The following CACNG3 variants were observed in gnomAD, a reference collection of about 807,000 sequenced individuals.
CACNG3 encodes calcium voltage-gated channel auxiliary subunit gamma 3.
Under a neutral mutation model 28.5 loss-of-function variants are expected in CACNG3, and 3 were observed. The ratio of observed to expected loss-of-function variants is 0.11; its 90% confidence interval spans 0.05 to 0.27. CACNG3 has a LOEUF of 0.27. Among genes scored for constraint, CACNG3 ranks in the 10% least tolerant of loss-of-function variants. The pLI is 1.00. For missense variants in CACNG3, 236 were observed against 414.4 expected (o/e 0.57, Z 3.74); for synonymous variants, 174 against 162.2 (o/e 1.07, Z -0.55).
chr16:24,326,221 G>A (rs1405074036), intron 1 of CACNG3, among the ~76,000 whole-genome samples: 1 of 148,912 alleles, frequency 6.7e-6, no homozygotes, highest in Non-Finnish European at 1.5e-5. Context: ...GCCCAGACTA[G>A]AGTGCAATGG....
chr16:24,341,412 A>G (rs1899785597), intron 1 of CACNG3, among the ~76,000 whole-genome samples: 1 of 152,160 alleles, frequency 6.6e-6, no homozygotes, highest in Non-Finnish European at 1.5e-5. Flanking sequence ...TTGTGATCCT[A>G]AAGTACCTAC....
intron 1 of CACNG3, among the ~76,000 whole-genome samples, chr16:24,285,673 G>A (rs1898883056): frequency 1.3e-5 from 2 of 151,684 alleles, no homozygotes; most frequent in African/African-American, 2.4e-5. Context: ...AATAATAAAA[G>A]TTTTTAAAGT....
At chr16:24,272,571 C>T (rs1053479455) in intron 1 of CACNG3, among the ~76,000 whole-genome samples, 1 of 151,868 alleles carries the variant, frequency 6.6e-6, no homozygotes, top group African/African-American at 2.4e-5. Context: ...ATTTTTTCAA[C>T]TTGCCATTTA....
At chr16:24,360,971 A>C (rs1025496879) in intron 3 of CACNG3, among the ~76,000 whole-genome samples, 2 of 152,188 alleles carry the variant, frequency 1.3e-5, no homozygotes, top group African/African-American at 4.8e-5. Context: ...AGTCTTTGCT[A>C]CTAATGGTAA....
intron 1 of CACNG3, among the ~76,000 whole-genome samples, chr16:24,260,798 C>A (rs1297798576): frequency 2.0e-5 from 3 of 152,218 alleles, no homozygotes; most frequent in Non-Finnish European, 4.4e-5. Flanking sequence ...GACACCCACA[C>A]TGGGAAGCCA....
chr16:24,306,356 G>A (rs1899185474), intron 1 of CACNG3, among the ~76,000 whole-genome samples: 1 of 152,208 alleles, frequency 6.6e-6, no homozygotes, highest in Non-Finnish European at 1.5e-5. Flanking sequence ...GCTGAACGGT[G>A]GCTTCAGGAG....
At chr16:24,338,915 CTTG>C (rs769949851) in intron 1 of CACNG3, among the ~76,000 whole-genome samples, 2 of 152,200 alleles carry the variant, frequency 1.3e-5, no homozygotes, top group African/African-American at 2.4e-5. Flanking sequence ...GAGTTTTTCT[CTTG>C]TTCATTCTCT....
At chr16:24,272,682 A>T (rs7192301) in intron 1 of CACNG3, among the ~76,000 whole-genome samples, 68,947 of 151,618 alleles carry the variant, frequency 0.45, 16,695 homozygotes, top group Non-Finnish European at 0.56. Context: ...TTTGTTTTTA[A>T]TTTTTGTCAT....
At chr16:24,257,362 G>A (rs74494013) in intron 1 of CACNG3, among the ~76,000 whole-genome samples, 1 of 100,226 alleles carries the variant, frequency 1.0e-5, no homozygotes, top group African/African-American at 4.1e-5. Flanking sequence ...GGAAAGAAGT[G>A]AGGGGGGAGA....
At chr16:24,258,062 T>C (rs1442807165) in intron 1 of CACNG3, among the ~76,000 whole-genome samples, 1 of 152,198 alleles carries the variant, frequency 6.6e-6, no homozygotes, top group African/African-American at 2.4e-5. Flanking sequence ...GTCACAGTGG[T>C]GGGCAAGGAA....
intron 3 of CACNG3, among the ~76,000 whole-genome samples, chr16:24,358,577 A>C (rs968914447): frequency 1.3e-5 from 2 of 152,002 alleles, no homozygotes; most frequent in Admixed American, 6.6e-5. Flanking sequence ...TATGAATCAG[A>C]CTCTGGGCTG....
intron 1 of CACNG3, among the ~76,000 whole-genome samples, chr16:24,344,311 T>A (rs8057687): frequency 0.83 from 126,366 of 151,700 alleles, 52,726 homozygotes; most frequent in Middle Eastern, 0.89. Context: ...CGGGAGGCTG[T>A]GGCACAAGAA....
chr16:24,286,662 C>T (rs2238506), intron 1 of CACNG3, among the ~76,000 whole-genome samples: 30,825 of 152,082 alleles, frequency 0.2, 3,593 homozygotes, highest in Non-Finnish European at 0.28. Context: ...ACCTTAGGTA[C>T]ATGTCTTCCG....
intron 1 of CACNG3, among the ~76,000 whole-genome samples, chr16:24,280,867 G>A (rs921765367): frequency 6.9e-6 from 1 of 143,958 alleles, no homozygotes; most frequent in Non-Finnish European, 1.5e-5. Flanking sequence ...TTATTCTGGA[G>A]ATTTTGGGAA....
At chr16:24,347,847 C>A (rs1170047527) in intron 2 of CACNG3, among the ~76,000 whole-genome samples, 1 of 152,194 alleles carries the variant, frequency 6.6e-6, no homozygotes, top group East Asian at 1.9e-4. Context: ...GGGGCTTTAC[C>A]TCTCTCTCTA....
Position 24,269,818 on chromosome 16 carries a change from GAGAA to G in CACNG3, c.211+12861_211+12864del, listed in dbSNP as rs558755235. 2.6e-3 allele frequency among the ~76,000 whole-genome samples: 381 copies of G among 147,442 alleles called. 1 individual carries two copies. Among genetic ancestry groups the G allele is most frequent in the Non-Finnish European group, 4.8e-3 (321 of 67,080 alleles). On this transcript the variant is annotated intron_variant, in intron 1 of 3. Coordinates refer to ENST00000005284, the MANE Select transcript of CACNG3 (RefSeq NM_006539.4). Reference sequence around the variant, plus strand: ...AAGAAAGAAAGAAAGAGAAAGAAAGGAGAAAGAAAGACAAAAGAAAATCTGTGTT... The same window carrying G: ...AAGAAAGAAAGAAAGAGAAAGAAAGGAGAAAGACAAAAGAAAATCTGTGTT...
rs546224102 is a variant in CACNG3, at chr16:24,354,891, C to T, written c.354C>T (p.Gly118=). 5.0e-6 allele frequency: 8 copies of T among 1,612,202 alleles called. No homozygotes were observed. The highest frequency in any genetic ancestry group is 2.2e-5 in the South Asian group (2 of 90,996). Residue 118 remains glycine (G), a synonymous_variant, in exon 3 of 4, where the codon GGC becomes GGT. Transcript: ENST00000005284. The part of the protein sequence containing the change: ...PILSVTLLFF[G]GLCVAASEFH... ...TCAGTGTCACGCTGCTGTTCTTCGG[C>T]GGGCTCTGCGTGGCAGCCAGTGAGT...
chr16:24,331,614 C>T (rs144656356), intron 1 of CACNG3, among the ~76,000 whole-genome samples: 5 of 152,302 alleles, frequency 3.3e-5, no homozygotes, highest in East Asian at 3.9e-4. Context: ...GTGCTGAAAA[C>T]CCTCCAAAGC....
At chr16:24,314,971 T>C (rs1407121055) in intron 1 of CACNG3, among the ~76,000 whole-genome samples, 1 of 152,110 alleles carries the variant, frequency 6.6e-6, no homozygotes, top group African/African-American at 2.4e-5. Context: ...TTGTGCAAGA[T>C]AGTTTTATTC....
Sources: allele counts gnomAD v4.1 joint callset (sites outside exome capture counted in the v4.1 genomes callset), GRCh38; gene constraint gnomAD v4.1.1; transcripts MANE v1.5; gene names NCBI Gene and HGNC (gene_info 2026-07-23, HGNC 2026-07-21).